The following RBM6 variants were observed in gnomAD, a reference collection of about 807,000 sequenced individuals.
RBM6 encodes the protein RNA-binding protein 6.
In RBM6, 23 loss-of-function variants were observed where a neutral mutation model predicts 140.4. That is an observed-to-expected ratio of 0.16 (90% CI 0.12 to 0.23). The LOEUF (loss-of-function observed/expected upper bound fraction) is 0.23. RBM6 is among the 10% of genes least tolerant of loss of function. The pLI, the probability that RBM6 is intolerant of heterozygous loss-of-function variation, is 1.00. For missense variants in RBM6, 1,139 were observed against 1,386.7 expected, an observed-to-expected ratio of 0.82 and a Z score of 2.84; for synonymous variants, 439 against 475.6, an observed-to-expected ratio of 0.92 and a Z score of 1.00.
intron 16 of RBM6, 34 bp downstream of exon 16, chr3:50,065,160 T>C (rs1294727501): frequency 1.3e-6 from 2 of 1,521,034 alleles, no homozygotes; most frequent in Admixed American, 3.7e-5. Flanking sequence ...GACCTAGGGC[T>C]GGGGCTGGGG....
At chr3:49,956,477 G>A (rs954942090) in intron 1 of RBM6, among the ~76,000 whole-genome samples, 7 of 150,280 alleles carry the variant, frequency 4.7e-5, no homozygotes, top group Non-Finnish European at 1.0e-4. Context: ...TGGGATTACA[G>A]GCTTGCCACC....
intron 6 of RBM6, among the ~76,000 whole-genome samples, chr3:50,044,506 T>C (rs1208764819): frequency 6.6e-6 from 1 of 151,540 alleles, no homozygotes; most frequent in African/African-American, 2.4e-5. Context: ...TTGCTCGAAC[T>C]TGGGAGGCGG....
At chr3:50,070,110 A>T (rs1423436817) in intron 18 of RBM6, among the ~76,000 whole-genome samples, 1 of 152,170 alleles carries the variant, frequency 6.6e-6, no homozygotes, top group Admixed American at 6.6e-5. Flanking sequence ...TAATCCCAGC[A>T]CTTTGGGAGG....
intron 7 of RBM6, chr3:50,054,087 C>T (rs2089601322): frequency 4.8e-6 from 2 of 416,732 alleles, no homozygotes; most frequent in Non-Finnish European, 4.3e-6. Context: ...GAATCTTTAT[C>T]CAGGGCAAAG....
At chr3:49,992,370 A>G (rs1350589973) in intron 5 of RBM6, among the ~76,000 whole-genome samples, 2 of 152,178 alleles carry the variant, frequency 1.3e-5, no homozygotes, top group African/African-American at 4.8e-5. Context: ...TAGCCATGTA[A>G]TCTATGGAGG....
chr3:49,973,866 A>G (rs1380479733), intron 4 of RBM6, among the ~76,000 whole-genome samples: 1 of 150,588 alleles, frequency 6.6e-6, no homozygotes, highest in Admixed American at 6.6e-5. Flanking sequence ...GATTACACGC[A>G]TGAGCCACCG....
At chr3:50,058,773 G>A (rs1429659508) in intron 10 of RBM6, 1 of 354,030 alleles carries the variant, frequency 2.8e-6, no homozygotes, top group East Asian at 5.2e-5. Flanking sequence ...AAAATTAGCT[G>A]GGCGTGGTGG....
chr3:50,034,995 C>CCTCTCCTCT (rs1553658826), intron 6 of RBM6, among the ~76,000 whole-genome samples: 3 of 126,750 alleles, frequency 2.4e-5, no homozygotes, highest in Admixed American at 8.8e-5. Flanking sequence ...CTCTCCTCTT[C>CCTCTCCTCT]CCTCTCCTCT....
rs575644877 is a variant in RBM6 at position 50,048,166 on chromosome 3, G to A, written c.1558-79G>A. 5.3e-4 allele frequency: 818 copies of A among 1,555,964 alleles called. 1 individual carries two copies. The highest frequency in any genetic ancestry group is 6.2e-4 in the Non-Finnish European group (713 of 1,153,092). On this transcript the variant is annotated intron_variant, in intron 6 of 20. Coordinates refer to ENST00000266022, the MANE Select transcript of RBM6 (RefSeq NM_005777.3). ...ATAAAATGTTTCAGCTTGGGGATTGGAAAGGCTCTCTGTGCCTTTCTGTCT... is the reference window on the plus strand; with the variant it reads ...ATAAAATGTTTCAGCTTGGGGATTGAAAAGGCTCTCTGTGCCTTTCTGTCT...
intron 7 of RBM6, among the ~76,000 whole-genome samples, chr3:50,051,205 TG>T (rs1432431362): frequency 6.6e-6 from 1 of 151,934 alleles, no homozygotes; most frequent in African/African-American, 2.4e-5. Context: ...CTGGGTGTGG[TG>T]GTGCATGCCT....
chr3:49,946,903 G>A (rs2083511515), intron 1 of RBM6, among the ~76,000 whole-genome samples: 1 of 149,424 alleles, frequency 6.7e-6, no homozygotes, highest in Admixed American at 6.7e-5. Flanking sequence ...GTATCTTATT[G>A]TGGTTTCTGA....
chr3:50,024,933 G>A (rs1237065237), intron 6 of RBM6, among the ~76,000 whole-genome samples: 4 of 151,868 alleles, frequency 2.6e-5, no homozygotes, highest in African/African-American at 9.7e-5. Context: ...GGAGCTTGCA[G>A]TGAGCCGAGA....
chr3:50,031,416 G>A (rs2108822729), intron 6 of RBM6, among the ~76,000 whole-genome samples: 1 of 152,282 alleles, frequency 6.6e-6, no homozygotes, highest in African/African-American at 2.4e-5. Flanking sequence ...AAAAGGATGA[G>A]TTCATGTCCT....
chr3:49,940,628 G>C (rs2083242476), intron 1 of RBM6: 1 of 155,464 alleles, frequency 6.4e-6, no homozygotes, highest in African/African-American at 2.4e-5. Context: ...CTTGTGCTTA[G>C]CACGTAGCCT....
rs78688306 is a variant in RBM6 at position 49,990,709 on chromosome 3, T to C, written c.1484-8731T>C. 3.6e-3 allele frequency among the ~76,000 whole-genome samples: 542 copies of C among 152,274 alleles called. 4 individuals are homozygous for C. Among genetic ancestry groups the C allele is most frequent in the African/African-American group, 0.012 (499 of 41,550 alleles). On this transcript the variant is annotated intron_variant, in intron 5 of 20. Coordinates refer to ENST00000266022, the MANE Select transcript of RBM6 (RefSeq NM_005777.3). Reference sequence around the variant, plus strand: ...CTAAGAATAGGCCTGTGTTTTAAAATGGCTGCCTGGAGGACAAGTGCTATA... The same window carrying C: ...CTAAGAATAGGCCTGTGTTTTAAAACGGCTGCCTGGAGGACAAGTGCTATA...
At chr3:50,024,061 A>G (rs1391505261) in intron 6 of RBM6, among the ~76,000 whole-genome samples, 2 of 152,228 alleles carry the variant, frequency 1.3e-5, no homozygotes, top group African/African-American at 4.8e-5. Flanking sequence ...TAAACTTCCC[A>G]TAATGACATT....
Position 50,057,840 on chromosome 3 carries a change from T to C in RBM6, c.1806T>C (p.Pro602=), listed in dbSNP as rs757133340. The part of the protein sequence containing the change: ...NQPLRPADKE[P]EPRKREEGQE... Reference sequence around the variant, plus strand: ...CCCTAAGACCAGCTGATAAGGAACCTGAACCCAGGAAGAGGGAAGAAGGCC... The same window carrying C: ...CCCTAAGACCAGCTGATAAGGAACCCGAACCCAGGAAGAGGGAAGAAGGCC... Residue 602 remains proline (P), a synonymous_variant, in exon 9 of 21, where the codon CCT becomes CCC. Transcript: ENST00000266022. The C allele has an allele frequency of 8.7e-6, 14 of 1,613,644 alleles. No homozygotes were observed. The South Asian group carries it at 1.5e-4, about 18-fold the overall frequency.
At chr3:49,972,979 C>T (rs2084872690) in intron 4 of RBM6, among the ~76,000 whole-genome samples, 1 of 151,996 alleles carries the variant, frequency 6.6e-6, no homozygotes, top group Non-Finnish European at 1.5e-5. Flanking sequence ...TACAGGCACA[C>T]ACCACCACGC....
At chr3:50,051,507 G>A (rs1399365480) in intron 7 of RBM6, among the ~76,000 whole-genome samples, 7 of 152,190 alleles carry the variant, frequency 4.6e-5, no homozygotes, top group Admixed American at 4.6e-4. Flanking sequence ...TGGGCATGGT[G>A]GCACATGCCT....
Sources: allele counts gnomAD v4.1 joint callset (sites outside exome capture counted in the v4.1 genomes callset), GRCh38; gene constraint gnomAD v4.1.1; transcripts MANE v1.5; gene names NCBI Gene and HGNC (gene_info 2026-07-23, HGNC 2026-07-21).